The following DNAH6 variants were observed in gnomAD, a reference collection of about 807,000 sequenced individuals.
DNAH6 encodes the protein dynein axonemal heavy chain 6.
A neutral mutation model predicts 491.4 loss-of-function variants in DNAH6; 340 were observed. That is an observed-to-expected ratio of 0.69 (90% CI 0.63 to 0.76). DNAH6 has a LOEUF of 0.76. Among genes scored for constraint, DNAH6 ranks in the 30% least tolerant of loss-of-function variants. DNAH6 has a pLI of 0.00. For synonymous variants in DNAH6, 1,603 were observed against 1,686.1 expected (o/e 0.95, Z 1.21); for missense variants, 4,443 against 4,972.2 (o/e 0.89, Z 3.20).
In DNAH6 at chr2:84,526,262, G is replaced by A. The variant is rs188522739; in HGVS notation, c.399+524G>A. Among the ~76,000 whole-genome samples the A allele has an allele frequency of 2.0e-5, 3 of 152,170 alleles. No homozygotes were observed. The East Asian group carries it at 5.8e-4, about 29-fold the overall frequency. On this transcript the variant is annotated intron_variant, in intron 3 of 76. Coordinates refer to ENST00000389394, the MANE Select transcript of DNAH6 (RefSeq NM_001370.2). ...ACAATAAGGGGAGAAAATATGAAAG[G>A]CATACCTACAGTAAAGATACCAGTA... is the stretch of plus-strand genomic sequence containing the variant.
chr2:84,797,813 A>T, intron 70 of DNAH6, 155 bp downstream of exon 70: 1 of 729,462 alleles, frequency 1.4e-6, no homozygotes, highest in Non-Finnish European at 2.2e-6. Context: ...GTTCCAATTT[A>T]GCCTGTTACC....
At chr2:84,705,899 AT>A (rs1176420249) in intron 52 of DNAH6, among the ~76,000 whole-genome samples, 152 bp downstream of exon 52, 1 of 151,936 alleles carries the variant, frequency 6.6e-6, no homozygotes, top group Non-Finnish European at 1.5e-5. Flanking sequence ...AGAGCTGGCA[AT>A]TTTTTTTCAG....
In DNAH6 at chr2:84,654,690, ACAGT is replaced by A. The variant is rs1202011593; in HGVS notation, c.5671_5674del (p.Ser1891AspfsTer12). The A allele has an allele frequency of 6.4e-7, 1 of 1,551,122 alleles. No individual in the cohort carries two copies. Among genetic ancestry groups the A allele is most frequent in the African/African-American group, 1.4e-5 (1 of 73,094 alleles). On this transcript the variant is annotated frameshift_variant, in exon 35 of 77. Coordinates refer to ENST00000389394, the MANE Select transcript of DNAH6 (RefSeq NM_001370.2). LOFTEE classifies it high-confidence loss of function. ...AGATCTGCGGGTTGCCTCCCCTGCA[ACAGT>A]CAGTCGATGTGGAATGGTGTTTGTG...
At chr2:84,665,850 C>A (rs1692069635) in intron 37 of DNAH6, among the ~76,000 whole-genome samples, 1 of 152,156 alleles carries the variant, frequency 6.6e-6, no homozygotes, top group African/African-American at 2.4e-5. Flanking sequence ...CAAAAATCCT[C>A]AATAAAATGC....
chr2:84,462,045 CA>C, the DNAH6 span, among the ~76,000 whole-genome samples: 1 of 152,212 alleles, frequency 6.6e-6, no homozygotes, highest in African/African-American at 2.4e-5. Context: ...CTGCCTGAGG[CA>C]AACCTACCTC....
chr2:84,467,877 A>C, the DNAH6 span, among the ~76,000 whole-genome samples: 1 of 152,124 alleles, frequency 6.6e-6, no homozygotes, highest in Non-Finnish European at 1.5e-5. Flanking sequence ...AAATTGAACA[A>C]TTTTTAAAAG....
At chr2:84,729,678 A>G (rs1698962634) in intron 61 of DNAH6, among the ~76,000 whole-genome samples, 1 of 152,198 alleles carries the variant, frequency 6.6e-6, no homozygotes, top group African/African-American at 2.4e-5. Context: ...AAAATTTAAA[A>G]TTACCATCAT....
chr2:84,707,490 T>C (rs1472159160), intron 53 of DNAH6, 30 bp from the exon 54 acceptor site: 1 of 1,513,178 alleles, frequency 6.6e-7, no homozygotes. Flanking sequence ...TATTTAATAG[T>C]ATAATCTGAT....
At chr2:84,584,348 T>TG in intron 15 of DNAH6, 98 bp downstream of exon 15, 9 of 1,205,472 alleles carry the variant, frequency 7.5e-6, no homozygotes, top group African/African-American at 1.5e-5. Context: ...TTGTATATAT[T>TG]TACAATATAT....
chr2:84,669,454 A>G lies in DNAH6; in HGVS notation c.6250A>G (p.Lys2084Glu). The G allele has an allele frequency of 6.4e-7, 1 of 1,551,976 alleles. No individual in the cohort carries two copies. Among genetic ancestry groups the G allele is most frequent in the Non-Finnish European group, 8.7e-7 (1 of 1,147,028 alleles). ...AGTGCGCTATGGGTATCTAATGGAA[A>G]AACTACTGGCAGTCAAGCATTCCGT... is the stretch of plus-strand genomic sequence containing the variant. The part of the protein sequence containing the change: ...DTVRYGYLME[K>E]LLAVKHSVLF... The change falls in exon 38 of 77, where the codon AAA becomes GAA. Residue 2084 changes from lysine (K) to glutamate (E), a missense_variant. Around this residue, in one of 3 missense-constraint regions of DNAH6, gnomAD observed 2,977 missense variants for 3,296.6 expected, o/e 0.90. Coordinates refer to ENST00000389394, the MANE Select transcript of DNAH6 (RefSeq NM_001370.2).
intron 32 of DNAH6, 21 bp from the exon 33 acceptor site, chr2:84,641,926 G>T: frequency 2.6e-6 from 4 of 1,533,504 alleles, no homozygotes; most frequent in Non-Finnish European, 3.5e-6. Flanking sequence ...GATATTATCC[G>T]AAATATTCCT....
At chr2:84,805,873 C>G in intron 71 of DNAH6, 79 bp downstream of exon 71, 1 of 1,296,230 alleles carries the variant, frequency 7.7e-7, no homozygotes, top group South Asian at 1.8e-5. Flanking sequence ...AAACAGGTGT[C>G]AAAACCTGCT....
intron 50 of DNAH6, 128 bp downstream of exon 50, chr2:84,703,690 A>ATTT: frequency 4.9e-6 from 4 of 821,384 alleles, no homozygotes; most frequent in Non-Finnish European, 5.1e-6. Context: ...GATTTAGCAA[A>ATTT]GTTTTTTTTT....
intron 12 of DNAH6, among the ~76,000 whole-genome samples, chr2:84,574,674 T>C (rs912804957): frequency 1.3e-5 from 2 of 152,182 alleles, no homozygotes; most frequent in Non-Finnish European, 2.9e-5. Flanking sequence ...GGAGACTTAG[T>C]GTGTGCTGAA....
At chr2:84,793,605 G>C (rs1018114446) in intron 68 of DNAH6, among the ~76,000 whole-genome samples, 1 of 152,184 alleles carries the variant, frequency 6.6e-6, no homozygotes, top group African/African-American at 2.4e-5. Context: ...CCACGACAGA[G>C]ATTTAACCCA....
chr2:84,772,630 A>G (rs748322954), intron 64 of DNAH6, among the ~76,000 whole-genome samples: 7 of 152,166 alleles, frequency 4.6e-5, no homozygotes, highest in Non-Finnish European at 7.4e-5. Context: ...CCTAACAACC[A>G]AGTCCCAAAA....
In DNAH6 at chr2:84,785,557, A is replaced by T. The variant is rs1017382031; in HGVS notation, c.10954-53A>T. ...AGTCTATGTGTGTTATTCAGAAATA[A>T]TGCAAATCTATAAAATCACTCTCTC... On this transcript the variant is annotated intron_variant, in intron 66 of 76. Coordinates refer to ENST00000389394, the MANE Select transcript of DNAH6 (RefSeq NM_001370.2). The T allele has an allele frequency of 4.2e-6, 6 of 1,445,442 alleles. No homozygotes were observed. In the African/African-American group the frequency reaches 8.7e-5, roughly 21 times the overall value. The allele number at this position is 1,445,442 out of a possible 1,614,324, so 89.5% of individuals were successfully genotyped here. A position where few individuals can be genotyped will look rare whatever the true frequency, so the allele number is the denominator to read the frequency against.
At chr2:84,664,709 G>T (rs891157418) in intron 37 of DNAH6, among the ~76,000 whole-genome samples, 2 of 152,142 alleles carry the variant, frequency 1.3e-5, no homozygotes, top group African/African-American at 4.8e-5. Context: ...AGTTAACAAG[G>T]ATATCCAGGA....
chr2:84,606,355 G>A (rs562717681), intron 20 of DNAH6, among the ~76,000 whole-genome samples: 1 of 152,210 alleles, frequency 6.6e-6, no homozygotes, highest in African/African-American at 2.4e-5. Flanking sequence ...GATGTCATGT[G>A]GTGAGGGTTC....
Sources: allele counts gnomAD v4.1 joint callset (sites outside exome capture counted in the v4.1 genomes callset), GRCh38; gene constraint gnomAD v4.1.1; regional missense constraint gnomAD v4.1.1; transcripts MANE v1.5; gene names NCBI Gene and HGNC (gene_info 2026-07-23, HGNC 2026-07-21).